The following LINGO2 variants were observed in gnomAD, a reference collection of about 807,000 sequenced individuals.
LINGO2 encodes the protein leucine rich repeat and Ig domain containing 2, also known as leucine-rich repeat and immunoglobulin-like domain-containing nogo receptor-interacting protein 2.
In LINGO2, 14 loss-of-function variants were observed where a neutral mutation model predicts 30.6. The ratio of observed to expected loss-of-function variants is 0.46; its 90% CI spans 0.30 to 0.72. The LOEUF is 0.72. Among genes scored for constraint, LINGO2 ranks in the 30% least tolerant of loss-of-function variants. LINGO2 has a pLI of 0.07. For missense variants in LINGO2, 729 were observed against 751.7 expected (o/e 0.97, Z 0.35); for synonymous variants, 317 against 288.5 (o/e 1.10, Z -1.00).
intron 4 of LINGO2, among the ~76,000 whole-genome samples, chr9:28,211,535 CT>C (rs140082908): frequency 0.011 from 1,659 of 151,482 alleles, 26 homozygotes; most frequent in African/African-American, 0.038. Flanking sequence ...GAAGAAGGAG[CT>C]GCTAATTTGA....
At chr9:28,092,045 A>T (rs140345795) in intron 4 of LINGO2, among the ~76,000 whole-genome samples, 6 of 152,266 alleles carry the variant, frequency 3.9e-5, no homozygotes, top group East Asian at 3.9e-4. Context: ...GTCAGGAAAC[A>T]ACAGGTGCTG....
the LINGO2 span, among the ~76,000 whole-genome samples, chr9:28,867,012 G>C: frequency 1.3e-5 from 2 of 152,024 alleles, no homozygotes; most frequent in African/African-American, 4.8e-5. Flanking sequence ...AAACAAATAA[G>C]GTAGAGATAA....
intron 4 of LINGO2, among the ~76,000 whole-genome samples, chr9:28,015,753 A>G (rs373041985): frequency 2.0e-5 from 3 of 151,652 alleles, no homozygotes; most frequent in East Asian, 3.9e-4. Flanking sequence ...TCTACCCTCA[A>G]AACAACCTGA....
chr9:28,881,591 T>G, the LINGO2 span, among the ~76,000 whole-genome samples: 1 of 150,836 alleles, frequency 6.6e-6, no homozygotes, highest in African/African-American at 2.4e-5. Flanking sequence ...CTAACATTAC[T>G]GACAACCTTT....
the LINGO2 span, among the ~76,000 whole-genome samples, chr9:28,712,680 C>G: frequency 6.6e-6 from 1 of 151,492 alleles, no homozygotes; most frequent in African/African-American, 2.4e-5. Flanking sequence ...CTAGATGTTA[C>G]CATTAACTCC....
the LINGO2 span, among the ~76,000 whole-genome samples, chr9:28,703,436 T>G: frequency 4.0e-5 from 6 of 151,892 alleles, no homozygotes; most frequent in Admixed American, 6.6e-5. Flanking sequence ...TCTCCCTTTA[T>G]GTATTTCTAA....
chr9:28,777,446 G>C, the LINGO2 span, among the ~76,000 whole-genome samples: 13 of 152,228 alleles, frequency 8.5e-5, no homozygotes, highest in East Asian at 9.7e-4. Flanking sequence ...TTGAAAGCTG[G>C]AGCAACAGCT....
intron 1 of LINGO2, among the ~76,000 whole-genome samples, chr9:28,657,182 A>T (rs1428913894): frequency 1.3e-5 from 2 of 151,956 alleles, no homozygotes; most frequent in Non-Finnish European, 2.9e-5. Context: ...TAATTTTGGT[A>T]ATATATATAT....
chr9:29,093,084 C>A, the LINGO2 span, among the ~76,000 whole-genome samples: 21 of 112,076 alleles, frequency 1.9e-4, 4 homozygotes, highest in Non-Finnish European at 1.8e-5. Context: ...GAGAGAGGGA[C>A]AGAGAGAGAG....
intron 2 of LINGO2, among the ~76,000 whole-genome samples, chr9:28,444,502 C>T (rs762058642): frequency 1.3e-5 from 2 of 152,242 alleles, no homozygotes; most frequent in African/African-American, 4.8e-5. Context: ...CACCACGCTG[C>T]AGGTGACATG....
chr9:28,988,901 G>A, the LINGO2 span, among the ~76,000 whole-genome samples: 2 of 152,008 alleles, frequency 1.3e-5, no homozygotes, highest in African/African-American at 4.8e-5. Flanking sequence ...TCTAAGTATT[G>A]GGATTTTCAA....
intron 4 of LINGO2, among the ~76,000 whole-genome samples, chr9:28,027,160 C>T (rs1405954616): frequency 2.0e-5 from 3 of 152,088 alleles, no homozygotes; most frequent in Non-Finnish European, 4.4e-5. Flanking sequence ...CACTGATAAC[C>T]CTAGAAGCAC....
At chr9:29,025,240 G>A in the LINGO2 span, among the ~76,000 whole-genome samples, 3 of 151,796 alleles carry the variant, frequency 2.0e-5, no homozygotes, top group East Asian at 1.9e-4. Context: ...GATGAACCCC[G>A]TAAACACTGC....
intron 4 of LINGO2, among the ~76,000 whole-genome samples, chr9:28,104,643 C>T (rs1049976193): frequency 6.6e-5 from 10 of 151,812 alleles, no homozygotes; most frequent in Non-Finnish European, 1.0e-4. Context: ...AAAATAATGT[C>T]AATCCTTTTG....
chr9:28,418,769 T>C (rs1208429769), intron 2 of LINGO2, among the ~76,000 whole-genome samples: 1 of 152,066 alleles, frequency 6.6e-6, no homozygotes, highest in Non-Finnish European at 1.5e-5. Context: ...ACTTTCTTGA[T>C]TACAAGGAAA....
At chr9:28,038,387 T>C (rs1221774640) in intron 4 of LINGO2, among the ~76,000 whole-genome samples, 2 of 152,164 alleles carry the variant, frequency 1.3e-5, no homozygotes, top group Non-Finnish European at 2.9e-5. Flanking sequence ...CTCATATTCA[T>C]AAATTTTAAA....
the LINGO2 span, among the ~76,000 whole-genome samples, chr9:29,148,405 C>T: frequency 6.6e-6 from 1 of 152,050 alleles, no homozygotes; most frequent in African/African-American, 2.4e-5. Flanking sequence ...AGATTGATGG[C>T]TAAGTAACTT....
chr9:28,101,357 CA>C (rs1826411162), intron 4 of LINGO2, among the ~76,000 whole-genome samples: 1 of 151,884 alleles, frequency 6.6e-6, no homozygotes, highest in Non-Finnish European at 1.5e-5. Context: ...ACAGAGCAAC[CA>C]AATGTTAGTA....
chr9:28,411,967 G>A (rs1011908452), intron 2 of LINGO2, among the ~76,000 whole-genome samples: 1 of 151,816 alleles, frequency 6.6e-6, no homozygotes, highest in African/African-American at 2.4e-5. Context: ...AATAGCTTTA[G>A]GGGTACAAGT....
Sources: gnomAD v4.1 joint callset for allele counts (sites outside exome capture counted in the v4.1 genomes callset) on GRCh38, gnomAD v4.1.1 for gene constraint, MANE v1.5 for transcripts, NCBI Gene and HGNC (gene_info 2026-07-23, HGNC 2026-07-21) for gene names.